The following RAB7A variants were observed in gnomAD, a reference collection of about 807,000 sequenced individuals.
RAB7A encodes ras-related protein Rab-7a.
Under a neutral mutation model 24.5 loss-of-function variants are expected in RAB7A, and 2 were observed. That is an observed-to-expected ratio of 0.08 (90% confidence interval 0.03 to 0.26). The LOEUF is 0.26. Among genes scored for constraint, RAB7A ranks in the 10% least tolerant of loss-of-function variants. The pLI is 1.00. For missense variants in RAB7A, 118 were observed against 255.7 expected (o/e 0.46, Z 3.67); for synonymous variants, 100 against 95.9 (o/e 1.04, Z -0.25).
At chr3:128,728,975 C>T (rs2070407522) in intron 1 of RAB7A, among the ~76,000 whole-genome samples, 1 of 152,190 alleles carries the variant, frequency 6.6e-6, no homozygotes, top group Non-Finnish European at 1.5e-5. Context: ...TCTCCCACAA[C>T]TTTCTAGATT....
At chr3:128,799,626 T>G (rs891190966) in intron 3 of RAB7A, among the ~76,000 whole-genome samples, 6 of 151,550 alleles carry the variant, frequency 4.0e-5, no homozygotes, top group African/African-American at 1.5e-4. Context: ...GAATCTCTCA[T>G]CCTCACCTCA....
intron 1 of RAB7A, chr3:128,748,787 C>T (rs1435503822): frequency 6.6e-6 from 1 of 152,138 alleles, no homozygotes; most frequent in Non-Finnish European, 1.5e-5. Context: ...GTTCATGAGG[C>T]TTTCTAGTTC....
At chr3:128,739,157 GGCA>G (rs1259049315) in intron 1 of RAB7A, among the ~76,000 whole-genome samples, 2 of 152,170 alleles carry the variant, frequency 1.3e-5, no homozygotes, top group African/African-American at 4.8e-5. Context: ...GGCACTGGTA[GGCA>G]GTTAGATTTT....
At chr3:128,751,362 A>G (rs529243629) in intron 1 of RAB7A, among the ~76,000 whole-genome samples, 2 of 152,346 alleles carry the variant, frequency 1.3e-5, no homozygotes, top group South Asian at 4.1e-4. Flanking sequence ...GCAAAGCCTC[A>G]GGGGTGGAGC....
At chr3:128,763,704 C>T (rs1011377233) in intron 1 of RAB7A, among the ~76,000 whole-genome samples, 1 of 152,150 alleles carries the variant, frequency 6.6e-6, no homozygotes, top group African/African-American at 2.4e-5. Flanking sequence ...TGGGGTAATA[C>T]TTTGGTGCCA....
chr3:128,758,618 C>G (rs940256028), intron 1 of RAB7A, among the ~76,000 whole-genome samples: 2 of 152,084 alleles, frequency 1.3e-5, no homozygotes, highest in Non-Finnish European at 2.9e-5. Context: ...TAGTGACATT[C>G]ATCAAGAATG....
At chr3:128,765,503 A>G (rs1200857300) in intron 1 of RAB7A, among the ~76,000 whole-genome samples, 1 of 152,224 alleles carries the variant, frequency 6.6e-6, no homozygotes, top group Non-Finnish European at 1.5e-5. Context: ...GTTGCAAGAT[A>G]TCTTAGACTG....
At chr3:128,728,574 T>C (rs1325114901) in intron 1 of RAB7A, among the ~76,000 whole-genome samples, 12 of 152,198 alleles carry the variant, frequency 7.9e-5, no homozygotes, top group Non-Finnish European at 1.8e-4. Context: ...GCCATTCTCC[T>C]GCCTCAGCCT....
At chr3:128,727,273 C>T (rs1036683436) in intron 1 of RAB7A, among the ~76,000 whole-genome samples, 1 of 152,182 alleles carries the variant, frequency 6.6e-6, no homozygotes, top group South Asian at 2.1e-4. Context: ...AGAGGCTAAG[C>T]CATTTGGCCA....
chr3:128,812,567 G>C (rs1933950119), intron 5 of RAB7A, among the ~76,000 whole-genome samples: 1 of 152,214 alleles, frequency 6.6e-6, no homozygotes, highest in African/African-American at 2.4e-5. Context: ...GCACACAAGT[G>C]CTCAGTGTTT....
intron 1 of RAB7A, chr3:128,785,275 C>T (rs1441159340): frequency 5.3e-5 from 8 of 152,072 alleles, no homozygotes; most frequent in Admixed American, 5.2e-4. Context: ...ACTTCGGCAT[C>T]AGTAGAGTGA....
intron 1 of RAB7A, among the ~76,000 whole-genome samples, chr3:128,746,732 T>C (rs1468866367): frequency 1.3e-5 from 2 of 151,722 alleles, no homozygotes; most frequent in Non-Finnish European, 2.9e-5. Flanking sequence ...GGTTTCACCA[T>C]GTTAGCCAGG....
intron 1 of RAB7A, among the ~76,000 whole-genome samples, chr3:128,747,814 C>G (rs1461994353): frequency 6.6e-6 from 1 of 151,252 alleles, no homozygotes; most frequent in Non-Finnish European, 1.5e-5. Context: ...GTCTCCCAGG[C>G]TAGAGTGCAG....
intron 1 of RAB7A, among the ~76,000 whole-genome samples, chr3:128,774,089 A>G (rs894103774): frequency 2.6e-5 from 4 of 151,012 alleles, no homozygotes; most frequent in Admixed American, 6.6e-5. Flanking sequence ...AAAAAAAAAA[A>G]AAAAAAGAAA....
intron 1 of RAB7A, among the ~76,000 whole-genome samples, chr3:128,757,841 CAG>C (rs2070742614): frequency 6.6e-6 from 1 of 151,920 alleles, no homozygotes; most frequent in African/African-American, 2.4e-5. Context: ...TTTAAGAAAA[CAG>C]AGACAAGGTC....
chr3:128,764,390 G>A (rs2070806782), intron 1 of RAB7A: 1 of 682,284 alleles, frequency 1.5e-6, no homozygotes. Context: ...AAAAGGTAAA[G>A]GAAATCCCAA....
At chr3:128,756,773 A>G (rs529345218) in intron 1 of RAB7A, among the ~76,000 whole-genome samples, 1 of 152,226 alleles carries the variant, frequency 6.6e-6, no homozygotes, top group Admixed American at 6.5e-5. Flanking sequence ...AGCTACACCA[A>G]TGAAAACAGT....
chr3:128,782,384 G>A (rs1278167799), intron 1 of RAB7A, among the ~76,000 whole-genome samples: 1 of 152,150 alleles, frequency 6.6e-6, no homozygotes, highest in African/African-American at 2.4e-5. Context: ...ATGCCCGCAT[G>A]GGTGGAGATG....
At chr3:128,727,952 T>G (rs571477034) in intron 1 of RAB7A, among the ~76,000 whole-genome samples, 1 of 151,538 alleles carries the variant, frequency 6.6e-6, no homozygotes, top group South Asian at 2.1e-4. Context: ...GTATTCATAT[T>G]TGTCTTTTTT....
Sources: allele counts gnomAD v4.1 joint callset (sites outside exome capture counted in the v4.1 genomes callset), GRCh38; gene constraint gnomAD v4.1.1; transcripts MANE v1.5; gene names NCBI Gene and HGNC (gene_info 2026-07-23, HGNC 2026-07-21).